MEIS1: variants seen among roughly 807,000 people sequenced by gnomAD.
MEIS1 encodes homeobox protein Meis1.
A neutral mutation model predicts 50.8 loss-of-function variants in MEIS1; 5 were observed. That is an observed-to-expected ratio of 0.10 (90% confidence interval 0.05 to 0.21). MEIS1 has a LOEUF of 0.21. Among genes scored for constraint, MEIS1 ranks in the 10% least tolerant of loss-of-function variants. The pLI is 1.00. For missense variants in MEIS1, 318 were observed against 517.3 expected (o/e 0.61, Z 3.74); for synonymous variants, 176 against 179.3 (o/e 0.98, Z 0.15).
chr2:66,570,382 T>G (rs1404193481), intron 12 of MEIS1: 1 of 152,240 alleles, frequency 6.6e-6, no homozygotes, highest in Non-Finnish European at 1.5e-5. Flanking sequence ...TCTTTTTTGA[T>G]TAAAGAGCTG....
intron 2 of MEIS1, chr2:66,439,215 G>T (rs72893263): frequency 2.1e-6 from 2 of 943,978 alleles, no homozygotes; most frequent in South Asian, 9.9e-5. Flanking sequence ...ACTTTCTTTG[G>T]GGGGCGGTGG....
intron 7 of MEIS1, among the ~76,000 whole-genome samples, chr2:66,498,641 T>C (rs1262762238): frequency 6.6e-6 from 1 of 152,172 alleles, no homozygotes; most frequent in East Asian, 1.9e-4. Context: ...CTTGTCCCAT[T>C]CTTGTCCAGT....
intron 6 of MEIS1, among the ~76,000 whole-genome samples, chr2:66,455,469 T>G (rs1181054218): frequency 2.6e-5 from 4 of 152,232 alleles, no homozygotes; most frequent in Non-Finnish European, 5.9e-5. Context: ...TGGAATATTC[T>G]GAGTGTTGTT....
rs368784232 is a variant in MEIS1 at position 66,551,424 on chromosome 2, C to T, written c.965+3405C>T. The stretch of plus-strand genomic sequence containing the variant: ...AGAAAATCTGGAAAAAAGAAAATCT[C>T]GTTATAACTCTTATTTTGGTCCAAT... On this transcript the variant is annotated intron_variant, in intron 9 of 12. Coordinates refer to ENST00000272369, the MANE Select transcript of MEIS1 (RefSeq NM_002398.3). Among the ~76,000 whole-genome samples, 128 of 152,042 alleles carry T rather than the reference C, an allele frequency of 8.4e-4. No homozygotes were observed. In the South Asian group the frequency reaches 9.6e-3, roughly 11 times the overall value.
At chr2:66,500,404 A>T (rs1252789421) in intron 7 of MEIS1, among the ~76,000 whole-genome samples, 1 of 152,064 alleles carries the variant, frequency 6.6e-6, no homozygotes, top group Non-Finnish European at 1.5e-5. Flanking sequence ...GGATGTCAGA[A>T]AGCTTTTTAA....
intron 7 of MEIS1, among the ~76,000 whole-genome samples, chr2:66,487,856 TTCAG>T (rs756927886): frequency 3.7e-4 from 57 of 152,364 alleles, no homozygotes; most frequent in African/African-American, 9.1e-4. Context: ...TGAAGAACCT[TTCAG>T]AAACATTTTA....
intron 8 of MEIS1, among the ~76,000 whole-genome samples, chr2:66,515,993 T>C (rs1345206780): frequency 1.3e-5 from 2 of 152,200 alleles, no homozygotes; most frequent in Non-Finnish European, 2.9e-5. Context: ...TGTGACATCA[T>C]AGTGCTTAAG....
At chr2:66,543,509 A>G (rs1227140450) in intron 8 of MEIS1, among the ~76,000 whole-genome samples, 1 of 152,144 alleles carries the variant, frequency 6.6e-6, no homozygotes, top group Non-Finnish European at 1.5e-5. Context: ...TTCTCTCTGC[A>G]GCCAAACCAG....
chr2:66,478,981 A>G (rs1201011483), intron 7 of MEIS1, among the ~76,000 whole-genome samples: 1 of 152,220 alleles, frequency 6.6e-6, no homozygotes, highest in Non-Finnish European at 1.5e-5. Context: ...TTGTCTGGCA[A>G]TATTCATTCA....
chr2:66,502,291 G>A (rs1470706843), intron 7 of MEIS1, among the ~76,000 whole-genome samples: 1 of 152,130 alleles, frequency 6.6e-6, no homozygotes, highest in East Asian at 1.9e-4. Context: ...GGGGAATAGA[G>A]GGGAGGCAGA....
intron 8 of MEIS1, among the ~76,000 whole-genome samples, chr2:66,531,743 C>T (rs909998931): frequency 1.3e-5 from 2 of 152,176 alleles, no homozygotes; most frequent in African/African-American, 4.8e-5. Context: ...TGATTGGCTG[C>T]GGACGAAGGC....
Position 66,569,151 on chromosome 2 carries a change from T to C in MEIS1, c.*37+6T>C. 6.2e-7 allele frequency: 1 copy of C among 1,604,388 alleles called. No individual in the cohort carries two copies. ...AATCGCAAAGCAAGGGGGAAGTAAG[T>C]ACAAATGGGGTCTTTGTTTTCACTT... On this transcript the variant is annotated splice_donor_region_variant and intron_variant, in intron 12 of 12. Coordinates refer to ENST00000272369, the MANE Select transcript of MEIS1 (RefSeq NM_002398.3).
chr2:66,557,453 C>T (rs752321592), intron 9 of MEIS1, among the ~76,000 whole-genome samples: 11 of 152,198 alleles, frequency 7.2e-5, no homozygotes, highest in Non-Finnish European at 1.5e-4. Flanking sequence ...CTCTCTCCAA[C>T]AGCTCCTGGC....
rs767199061 is a variant in MEIS1, at chr2:66,573,714, T to C, written c.*2506T>C. ...CTTCTACCCCTCCCCAGCCCATAGA[T>C]GGGATTGTTTAAATCTCCCTTGTTG... On this transcript the variant is annotated 3_prime_UTR_variant, in exon 13 of 13. Coordinates refer to ENST00000272369, the MANE Select transcript of MEIS1 (RefSeq NM_002398.3). The C allele has an allele frequency of 3.9e-5, 6 of 152,228 alleles. No homozygotes were observed. The highest frequency in any genetic ancestry group is 1.9e-4 in the East Asian group (1 of 5,188). The allele number at this position is 152,228 out of a possible 1,614,324, so 9.4% of individuals were successfully genotyped here.
At chr2:66,470,633 T>G (rs935233810) in intron 7 of MEIS1, among the ~76,000 whole-genome samples, 2 of 152,194 alleles carry the variant, frequency 1.3e-5, no homozygotes, top group African/African-American at 4.8e-5. Context: ...CATAAGCATT[T>G]TCATAGAAAG....
chr2:66,568,925 A>G, intron 11 of MEIS1, 125 bp from the exon 12 acceptor site: 1 of 1,102,886 alleles, frequency 9.1e-7, no homozygotes. Flanking sequence ...CAGGATCTTT[A>G]TGCACTGAAG....
At chr2:66,554,365 G>T (rs1320923689) in intron 9 of MEIS1, among the ~76,000 whole-genome samples, 1 of 152,162 alleles carries the variant, frequency 6.6e-6, no homozygotes, top group South Asian at 2.1e-4. Flanking sequence ...ACAGGCTGTG[G>T]GTCATGCAAC....
intron 7 of MEIS1, among the ~76,000 whole-genome samples, chr2:66,481,022 A>G (rs1673003017): frequency 6.6e-6 from 1 of 152,114 alleles, no homozygotes; most frequent in Admixed American, 6.5e-5. Flanking sequence ...AAAAAAACAA[A>G]AAAACACATC....
At chr2:66,458,863 G>C (rs920401969) in intron 6 of MEIS1, among the ~76,000 whole-genome samples, 1 of 152,112 alleles carries the variant, frequency 6.6e-6, no homozygotes, top group African/African-American at 2.4e-5. Flanking sequence ...ACAATGCCAG[G>C]TGACAATTTA....
Sources: allele counts gnomAD v4.1 joint callset (sites outside exome capture counted in the v4.1 genomes callset), GRCh38; gene constraint gnomAD v4.1.1; transcripts MANE v1.5; gene names NCBI Gene and HGNC (gene_info 2026-07-23, HGNC 2026-07-21).